The following RPTOR variants were observed in gnomAD, a reference collection of about 807,000 sequenced individuals.
RPTOR encodes regulatory associated protein of MTOR complex 1.
Under a neutral mutation model 169.9 loss-of-function variants are expected in RPTOR, and 21 were observed. That is an observed-to-expected ratio of 0.12 (90% CI 0.09 to 0.18). RPTOR has a LOEUF of 0.18. Ranked by LOEUF, RPTOR falls within the 10% of genes least tolerant of loss-of-function variation. The probability of loss-of-function intolerance (pLI) is 1.00; values close to 1 mark genes in which losing one functional copy is unlikely to be tolerated. For missense variants in RPTOR, 1,133 were observed against 1,855.9 expected, an observed-to-expected ratio of 0.61 and a Z score of 7.16; for synonymous variants, 732 against 753.2, an observed-to-expected ratio of 0.97 and a Z score of 0.46.
chr17:80,759,922 G>A (rs1258146289), intron 6 of RPTOR, among the ~76,000 whole-genome samples: 4 of 152,072 alleles, frequency 2.6e-5, no homozygotes, highest in African/African-American at 9.7e-5. Flanking sequence ...TTCTGTGCAT[G>A]TACATTTTGC....
chr17:80,839,385 G>T (rs560209595), intron 10 of RPTOR, among the ~76,000 whole-genome samples: 1 of 152,184 alleles, frequency 6.6e-6, no homozygotes, highest in East Asian at 1.9e-4. Flanking sequence ...AATTTACAGT[G>T]AGCACCCCAT....
intron 17 of RPTOR, 56 bp from the exon 18 acceptor site, chr17:80,891,664 T>G: frequency 8.3e-7 from 1 of 1,208,200 alleles, no homozygotes; most frequent in Non-Finnish European, 1.2e-6. Context: ...TCACTGCTGC[T>G]CCACAATCAT....
At chr17:80,924,671 TG>T (rs1418241731) in intron 23 of RPTOR, among the ~76,000 whole-genome samples, 1 of 150,888 alleles carries the variant, frequency 6.6e-6, no homozygotes, top group Non-Finnish European at 1.5e-5. Flanking sequence ...CCCCCCGGGG[TG>T]GGGGGGATGC....
rs1392031340 is a variant in RPTOR, at chr17:80,936,520, A to G, written c.2920-3976A>G. Among the ~76,000 whole-genome samples the G allele has an allele frequency of 6.6e-6, 1 of 152,250 alleles. No individual in the cohort carries two copies. The highest frequency in any genetic ancestry group is 1.9e-4 in the East Asian group (1 of 5,202). On this transcript the variant is annotated intron_variant, in intron 24 of 33. Transcript: ENST00000306801. This position sits in a 1 kb window ranked among gnomAD's most constrained non-coding sequence, Gnocchi z 4.1. ...TGAAAGACTCATCAGAACAATATTT[A>G]AATAAACTATTGATAAACGCAGTGG...
intron 1 of RPTOR, among the ~76,000 whole-genome samples, chr17:80,624,899 G>A (rs1466619702): frequency 6.6e-6 from 1 of 152,298 alleles, no homozygotes; most frequent in African/African-American, 2.4e-5. Flanking sequence ...GAGCTCTGCC[G>A]GGAGGAAAGG....
chr17:80,827,516 G>A (rs2056608954), intron 9 of RPTOR, among the ~76,000 whole-genome samples: 1 of 152,210 alleles, frequency 6.6e-6, no homozygotes, highest in South Asian at 2.1e-4. Context: ...CTCACCTAGT[G>A]CCACACACAG....
chr17:80,677,093 C>T lies in RPTOR; in HGVS notation c.349-30748C>T, dbSNP rs144192462. Among the ~76,000 whole-genome samples, 135 of 152,288 alleles carry T rather than the reference C, an allele frequency of 8.9e-4. 2 individuals are homozygous for T. In the East Asian group the frequency reaches 0.017, roughly 19 times the overall value. On this transcript the variant is annotated intron_variant, in intron 3 of 33. Transcript: ENST00000306801. Reference sequence around the variant, plus strand: ...TCAGGGGCACGCTGTTGCATTATGCCATGTTGTTCTTTTGGTTGTTTATTG... The same window carrying T: ...TCAGGGGCACGCTGTTGCATTATGCTATGTTGTTCTTTTGGTTGTTTATTG...
chr17:80,709,042 C>T (rs545304678), intron 4 of RPTOR: 43 of 985,318 alleles, frequency 4.4e-5, no homozygotes, highest in Non-Finnish European at 5.1e-5. Flanking sequence ...GCAGTGTGGG[C>T]CCAGAGCAGA....
At chr17:80,585,264 G>A (rs1464243944) in intron 1 of RPTOR, among the ~76,000 whole-genome samples, 1 of 150,828 alleles carries the variant, frequency 6.6e-6, no homozygotes, top group Non-Finnish European at 1.5e-5. Context: ...GAGTGCAGTG[G>A]TGCGATCTCG....
At chr17:80,753,794 A>T (rs1007137266) in intron 5 of RPTOR, among the ~76,000 whole-genome samples, 1 of 152,128 alleles carries the variant, frequency 6.6e-6, no homozygotes, top group African/African-American at 2.4e-5. Flanking sequence ...CTGTGCCATC[A>T]GAAGGGCCTT....
chr17:80,844,469 A>G lies in RPTOR; in HGVS notation c.1213-2004A>G, dbSNP rs1311506235. Among the ~76,000 whole-genome samples, 1 of 152,216 alleles carries G rather than the reference A, an allele frequency of 6.6e-6. No individual in the cohort carries two copies. The highest frequency in any genetic ancestry group is 1.5e-5 in the Non-Finnish European group (1 of 68,042). ...CTCAAGCCTTCTCTAACTCAGGAGA[A>G]TTACGTTCTCGCGGGATGTGGAGGA... On this transcript the variant is annotated intron_variant, in intron 10 of 33. Transcript: ENST00000306801. The surrounding 1 kb of genome is among the most constrained non-coding windows in gnomAD (Gnocchi z 4.7).
chr17:80,772,502 C>A (rs1340537575), intron 6 of RPTOR, among the ~76,000 whole-genome samples: 1 of 142,134 alleles, frequency 7.0e-6, no homozygotes, highest in Non-Finnish European at 1.5e-5. Flanking sequence ...TCTCCCTCCA[C>A]ATGCCCTGTT....
chr17:80,748,046 G>A lies in RPTOR; in HGVS notation c.655-5964G>A, dbSNP rs562074125. 4.5e-3 allele frequency among the ~76,000 whole-genome samples: 616 copies of A among 137,612 alleles called. 4 individuals are homozygous for A. Among genetic ancestry groups the A allele is most frequent in the Non-Finnish European group, 7.9e-3 (500 of 63,432 alleles). The allele number at this position is 137,612 out of a possible 152,430, so 90.3% of individuals were successfully genotyped here. On this transcript the variant is annotated intron_variant, in intron 5 of 33. Transcript: ENST00000306801. ...GCGGTGTGTGTTTAGAGGCCGTGGC[G>A]GGAGGACCTGTTGGGTGGATGGAGG...
At chr17:80,810,951 C>G (rs2067266038) in intron 7 of RPTOR, among the ~76,000 whole-genome samples, 1 of 152,222 alleles carries the variant, frequency 6.6e-6, no homozygotes, top group Non-Finnish European at 1.5e-5. Flanking sequence ...TTGCTACATT[C>G]ACTTATTGGC....
At chr17:80,946,264 A>G (rs1273655084) in intron 26 of RPTOR, among the ~76,000 whole-genome samples, 6 of 152,192 alleles carry the variant, frequency 3.9e-5, no homozygotes, top group Admixed American at 6.5e-5. Context: ...TAGAGTTTAG[A>G]GTTTATAAAA....
chr17:80,581,077 T>A (rs2065009480), intron 1 of RPTOR, among the ~76,000 whole-genome samples: 1 of 152,212 alleles, frequency 6.6e-6, no homozygotes, highest in Non-Finnish European at 1.5e-5. Context: ...CGTCAGTGTG[T>A]TGGATACAGA....
At chr17:80,619,523 A>G (rs2065339439) in intron 1 of RPTOR, among the ~76,000 whole-genome samples, 1 of 152,176 alleles carries the variant, frequency 6.6e-6, no homozygotes, top group African/African-American at 2.4e-5. Context: ...CTGTGAGGTG[A>G]CATGCTCTGA....
At chr17:80,665,569 G>C (rs1022710766) in intron 3 of RPTOR, among the ~76,000 whole-genome samples, 5 of 145,096 alleles carry the variant, frequency 3.4e-5, no homozygotes, top group South Asian at 2.2e-4. Flanking sequence ...TTTCCTGACA[G>C]AGTCTCGTTC....
chr17:80,833,344 G>T (rs1445128235), intron 9 of RPTOR, among the ~76,000 whole-genome samples: 1 of 152,178 alleles, frequency 6.6e-6, no homozygotes, highest in Admixed American at 6.5e-5. Context: ...CAGATGAGCT[G>T]GTCACAGCTA....
Sources: gnomAD v4.1 joint callset for allele counts (sites outside exome capture counted in the v4.1 genomes callset) on GRCh38, gnomAD v4.1.1 for gene constraint, Gnocchi (gnomAD v3.1) non-coding constraint, MANE v1.5 for transcripts, NCBI Gene and HGNC (gene_info 2026-07-23, HGNC 2026-07-21) for gene names.